The following PDCL3 variants were observed in gnomAD, a reference collection of about 807,000 sequenced individuals.
The protein encoded by PDCL3 is phosducin-like protein 3.
PDCL3 carries 22 observed loss-of-function variants against 26.5 expected under a neutral mutation model. The ratio of observed to expected loss-of-function variants is 0.83; its 90% CI spans 0.59 to 1.19. The LOEUF (loss-of-function observed/expected upper bound fraction) is 1.19, where lower values mean the gene tolerates loss of function less well. PDCL3 is among the 50% of genes most tolerant of loss of function. The pLI, the probability that PDCL3 is intolerant of heterozygous loss-of-function variation, is 0.00. For synonymous variants in PDCL3, 81 were observed against 104.9 expected, an observed-to-expected ratio of 0.77 and a Z score of 1.39; for missense variants, 246 against 294.1, an observed-to-expected ratio of 0.84 and a Z score of 1.20.
At chr2:100,576,281 G>A (rs1174228993) in intron 5 of PDCL3, 73 bp from the exon 6 acceptor site, 8 of 1,514,372 alleles carry the variant, frequency 5.3e-6, no homozygotes, top group Non-Finnish European at 7.1e-6. Context: ...AAAAAACTAG[G>A]TTGATGGACT....
intron 4 of PDCL3, among the ~76,000 whole-genome samples, chr2:100,570,316 A>G (rs1321025370): frequency 1.3e-5 from 2 of 152,272 alleles, no homozygotes; most frequent in African/African-American, 4.8e-5. Context: ...AGGAACTCTG[A>G]CATTTCAACA....
chr2:100,563,802 A>G (rs1481101048), intron 1 of PDCL3, among the ~76,000 whole-genome samples: 4 of 152,112 alleles, frequency 2.6e-5, no homozygotes, highest in Admixed American at 1.3e-4. Context: ...CGCAGTGGTC[A>G]GAAATTCTAA....
At chr2:100,574,858 T>C (rs762540437) in intron 5 of PDCL3, among the ~76,000 whole-genome samples, 2 of 152,162 alleles carry the variant, frequency 1.3e-5, no homozygotes, top group Non-Finnish European at 1.5e-5. Flanking sequence ...TCCTAGCATG[T>C]TGGGAAGCTA....
intron 5 of PDCL3, among the ~76,000 whole-genome samples, chr2:100,573,679 A>G (rs1364391717): frequency 6.6e-6 from 1 of 152,032 alleles, no homozygotes; most frequent in East Asian, 1.9e-4. Context: ...CTCAAAAAAA[A>G]AAAAAAAAAG....
chr2:100,571,449 AC>A (rs1425546406), intron 4 of PDCL3, 140 bp from the exon 5 acceptor site: 12 of 764,334 alleles, frequency 1.6e-5, no homozygotes, highest in Non-Finnish European at 2.5e-5. Flanking sequence ...GTCAAAAAAA[AC>A]ATGTTAATTC....
intron 2 of PDCL3, 141 bp from the exon 3 acceptor site, chr2:100,568,790 C>G: frequency 1.5e-6 from 1 of 656,208 alleles, no homozygotes; most frequent in Non-Finnish European, 2.7e-6. Flanking sequence ...TAGTGTGGTG[C>G]CTTAAGTAAT....
At chr2:100,569,812 A>AT (rs946533989) in intron 4 of PDCL3, 91 bp downstream of exon 4, 708 of 1,467,330 alleles carry the variant, frequency 4.8e-4, no homozygotes, top group Middle Eastern at 7.3e-4. Flanking sequence ...GGGTTAAGAA[A>AT]TTTTTTTTTC....
intron 5 of PDCL3, among the ~76,000 whole-genome samples, chr2:100,573,118 C>T (rs936651910): frequency 6.9e-6 from 1 of 144,208 alleles, no homozygotes; most frequent in Non-Finnish European, 1.5e-5. Context: ...CTCCTGACCT[C>T]GTGATCTGCC....
At chr2:100,564,305 G>GTTTC (rs1558695016) in intron 1 of PDCL3, among the ~76,000 whole-genome samples, 2 of 148,624 alleles carry the variant, frequency 1.3e-5, no homozygotes, top group South Asian at 2.1e-4. Flanking sequence ...TTGTTTGTTT[G>GTTTC]TTTCTTTTTG....
At chr2:100,569,078 T>G (rs936968714) in intron 3 of PDCL3, 57 bp downstream of exon 3, 60 of 1,262,454 alleles carry the variant, frequency 4.8e-5, no homozygotes, top group Non-Finnish European at 6.3e-5. Flanking sequence ...TTTGTTTTGG[T>G]TTTTTTTTTG....
At chr2:100,576,330 A>G (rs1675283611) in intron 5 of PDCL3, 24 bp from the exon 6 acceptor site, 9 of 1,612,362 alleles carry the variant, frequency 5.6e-6, no homozygotes, top group South Asian at 2.2e-5. Flanking sequence ...GCCTTAGGCA[A>G]TTTGCTTTTT....
At chr2:100,567,128 G>A (rs910453386) in intron 2 of PDCL3, among the ~76,000 whole-genome samples, 2 of 152,104 alleles carry the variant, frequency 1.3e-5, no homozygotes, top group Admixed American at 1.3e-4. Flanking sequence ...GTTTACTGAA[G>A]CAGTCTCTGG....
rs113524222 is a variant in PDCL3 at position 100,563,131 on chromosome 2, G to A, written c.6+58G>A. On this transcript the variant is annotated intron_variant, in intron 1 of 5. Transcript: ENST00000264254. ...GCGGCCCGTTCCTTTGTCTCGTTAG[G>A]CCCGGGCGGGCAGTGGACGCCCGCC... 1.9e-6 allele frequency: 3 copies of A among 1,557,850 alleles called. No homozygotes were observed. In the Admixed American group the frequency reaches 5.9e-5, roughly 31 times the overall value.
At chr2:100,570,474 C>CTTTTTTTT (rs762190373) in intron 4 of PDCL3, among the ~76,000 whole-genome samples, 3 of 125,320 alleles carry the variant, frequency 2.4e-5, no homozygotes, top group Admixed American at 8.4e-5. Context: ...TTAGGAATTT[C>CTTTTTTTT]TTTTTTTTTT....
chr2:100,571,441 C>T, intron 4 of PDCL3, 149 bp from the exon 5 acceptor site: 1 of 737,388 alleles, frequency 1.4e-6, no homozygotes, highest in Admixed American at 2.8e-5. Flanking sequence ...GACCCTATGT[C>T]AAAAAAAACA....
At chr2:100,572,044 G>A in intron 5 of PDCL3, 1 of 485,218 alleles carries the variant, frequency 2.1e-6, no homozygotes. Flanking sequence ...TTTTATATTG[G>A]TGTGGAATAT....
At chr2:100,576,216 A>T in intron 5 of PDCL3, 138 bp from the exon 6 acceptor site, 1 of 866,020 alleles carries the variant, frequency 1.2e-6, no homozygotes, top group Non-Finnish European at 1.7e-6. Context: ...TGTTGGGATT[A>T]CAGGCGTGAG....
intron 2 of PDCL3, among the ~76,000 whole-genome samples, chr2:100,567,403 G>C: frequency 6.6e-6 from 1 of 152,138 alleles, no homozygotes; most frequent in East Asian, 1.9e-4. Context: ...CATTCAAGTG[G>C]GGGAGACAGA....
chr2:100,564,581 C>T (rs920966581), intron 1 of PDCL3, among the ~76,000 whole-genome samples: 1 of 152,216 alleles, frequency 6.6e-6, no homozygotes, highest in Non-Finnish European at 1.5e-5. Flanking sequence ...TCGGCATGAG[C>T]CACCGCGCCC....
Sources: gnomAD v4.1 joint callset for allele counts (sites outside exome capture counted in the v4.1 genomes callset) on GRCh38, gnomAD v4.1.1 for gene constraint, MANE v1.5 for transcripts, NCBI Gene and HGNC (gene_info 2026-07-23, HGNC 2026-07-21) for gene names.